Variants in CTNNA2 observed in about 807,000 individuals in gnomAD.
CTNNA2 encodes catenin alpha-2.
In CTNNA2, 42 loss-of-function variants were observed where a neutral mutation model predicts 101.0. The ratio of observed to expected loss-of-function variants is 0.42; its 90% confidence interval spans 0.32 to 0.54. CTNNA2 has a LOEUF of 0.54. Ranked by LOEUF, CTNNA2 falls within the 20% of genes least tolerant of loss-of-function variation. The pLI is 0.14. For synonymous variants in CTNNA2, 450 were observed against 456.4 expected, an observed-to-expected ratio of 0.99 and a Z score of 0.18; for missense variants, 871 against 1,223.1, an observed-to-expected ratio of 0.71 and a Z score of 4.29.
chr2:79,959,632 C>T (rs1293054790), intron 7 of CTNNA2, among the ~76,000 whole-genome samples: 1 of 152,172 alleles, frequency 6.6e-6, no homozygotes, highest in African/African-American at 2.4e-5. Context: ...AGCTACCTTG[C>T]TAATAGTGTC....
At chr2:79,484,549 T>C (rs77314331) in intron 4 of CTNNA2, among the ~76,000 whole-genome samples, 1 of 152,126 alleles carries the variant, frequency 6.6e-6, no homozygotes, top group African/African-American at 2.4e-5. Flanking sequence ...TTCAACATGG[T>C]TGGTCTTTCT....
At chr2:80,527,067 G>A (rs762845657) in intron 9 of CTNNA2, among the ~76,000 whole-genome samples, 15 of 152,194 alleles carry the variant, frequency 9.9e-5, no homozygotes, top group African/African-American at 2.9e-4. Context: ...GAGTGCTCAG[G>A]AGAATGTGCT....
In CTNNA2 at chr2:79,486,782, T is replaced by C. The variant is rs142821319; in HGVS notation, c.-134-18272T>C. Among the ~76,000 whole-genome samples the C allele has an allele frequency of 9.9e-4, 151 of 152,336 alleles. 4 individuals carry two copies. In the East Asian group the frequency reaches 0.024, roughly 24 times the overall value. On this transcript the variant is annotated intron_variant, in intron 4 of 21. Transcript: ENST00000466387. ...GATCGCCATTCTAACTGGTGTGAGA[T>C]GGTATCTCATTGTGGTTTTGATTTG...
chr2:79,965,341 T>G (rs895642182), intron 7 of CTNNA2, among the ~76,000 whole-genome samples: 1 of 152,210 alleles, frequency 6.6e-6, no homozygotes, highest in African/African-American at 2.4e-5. Flanking sequence ...ATGGAATATG[T>G]GGGTCAGAAT....
chr2:79,709,460 T>C (rs189573209), intron 2 of CTNNA2, among the ~76,000 whole-genome samples: 2 of 152,174 alleles, frequency 1.3e-5, no homozygotes, highest in Admixed American at 6.5e-5. Context: ...CTGTCAGTAA[T>C]ATGGGGATGA....
At chr2:79,648,064 T>A (rs1680947798) in intron 1 of CTNNA2, among the ~76,000 whole-genome samples, 1 of 152,204 alleles carries the variant, frequency 6.6e-6, no homozygotes. Context: ...TCTCTTCTCA[T>A]GGAGGTGAGG....
intron 7 of CTNNA2, among the ~76,000 whole-genome samples, chr2:80,221,742 T>C (rs1708587217): frequency 6.6e-6 from 1 of 152,204 alleles, no homozygotes; most frequent in African/African-American, 2.4e-5. Flanking sequence ...TCTTATAAAC[T>C]GCCTGAGCAA....
rs78118774 is a variant in CTNNA2 at position 79,855,529 on chromosome 2, C to A, written c.299-2484C>A. ...ATGATGTTGGTTCATTCCGAATGTT[C>A]AATCTCAACTTGAAAATATATTGGA... On this transcript the variant is annotated intron_variant, in intron 3 of 18. Transcript: ENST00000402739. Among the ~76,000 whole-genome samples the A allele has an allele frequency of 3.9e-3, 600 of 152,310 alleles. 7 individuals are homozygous for A. The highest frequency in any genetic ancestry group is 0.033 in the East Asian group (172 of 5,170).
At chr2:80,542,150 A>C (rs1193525901) in intron 9 of CTNNA2, among the ~76,000 whole-genome samples, 1 of 131,874 alleles carries the variant, frequency 7.6e-6, no homozygotes, top group Non-Finnish European at 1.5e-5. Flanking sequence ...GCTTTAAAAT[A>C]ATAATAACTC....
intron 1 of CTNNA2, chr2:79,575,622 T>A (rs1675746972): frequency 6.6e-6 from 1 of 152,302 alleles, no homozygotes; most frequent in South Asian, 2.1e-4. Context: ...CTGCTTGATG[T>A]AGGCCTGTCT....
intron 18 of CTNNA2, among the ~76,000 whole-genome samples, chr2:80,625,992 T>G (rs577343705): frequency 1.3e-5 from 2 of 152,080 alleles, no homozygotes; most frequent in African/African-American, 4.8e-5. Context: ...CCCAAAAAGC[T>G]GAATGAATCA....
intron 1 of CTNNA2, among the ~76,000 whole-genome samples, chr2:79,568,146 C>T (rs1442522167): frequency 6.6e-6 from 1 of 152,028 alleles, no homozygotes; most frequent in Admixed American, 6.6e-5. Flanking sequence ...GTATCTATTC[C>T]CCAAGCAGTA....
chr2:79,277,788 C>A (rs183826038), intron 2 of CTNNA2, among the ~76,000 whole-genome samples: 2 of 152,086 alleles, frequency 1.3e-5, no homozygotes, highest in Admixed American at 1.3e-4. Flanking sequence ...ATCATCATTA[C>A]GTTAAGCTAC....
rs1671202648 is a variant in CTNNA2, at chr2:79,490,979, C to A, written c.-134-14075C>A. 2.6e-5 allele frequency among the ~76,000 whole-genome samples: 4 copies of A among 152,128 alleles called. No homozygotes were observed. In the South Asian group the frequency reaches 8.3e-4, roughly 32 times the overall value. Reference sequence around the variant, plus strand: ...GTTATATGCATTGTCATGGCACATACAGTTTCTGTGAAACTGTAATTATTA... The same window carrying A: ...GTTATATGCATTGTCATGGCACATAAAGTTTCTGTGAAACTGTAATTATTA... On this transcript the variant is annotated intron_variant, in intron 4 of 21. Coordinates refer to the CTNNA2 transcript ENST00000466387.
intron 1 of CTNNA2, among the ~76,000 whole-genome samples, chr2:79,537,410 T>C (rs1371152321): frequency 1.3e-5 from 2 of 152,148 alleles, no homozygotes; most frequent in Non-Finnish European, 2.9e-5. Flanking sequence ...TTGCATCACA[T>C]TTAGTTCTTT....
intron 4 of CTNNA2, among the ~76,000 whole-genome samples, chr2:79,435,286 G>A (rs1405199707): frequency 6.6e-6 from 1 of 152,148 alleles, no homozygotes; most frequent in Non-Finnish European, 1.5e-5. Context: ...TGGTGTTAAG[G>A]AAGTGTTGTC....
intron 2 of CTNNA2, among the ~76,000 whole-genome samples, chr2:79,259,786 A>G (rs1239249398): frequency 6.6e-6 from 1 of 152,158 alleles, no homozygotes. Context: ...AAGGAACATG[A>G]AGAATGCACA....
chr2:79,551,916 T>C (rs768561949), intron 1 of CTNNA2, among the ~76,000 whole-genome samples: 12 of 152,132 alleles, frequency 7.9e-5, no homozygotes, highest in Non-Finnish European at 1.2e-4. Context: ...TCCTCCAACA[T>C]TGGTGATTAT....
intron 4 of CTNNA2, among the ~76,000 whole-genome samples, chr2:79,482,157 C>A (rs1189035328): frequency 6.6e-6 from 1 of 152,032 alleles, no homozygotes; most frequent in African/African-American, 2.4e-5. Context: ...TTTCAGTTGA[C>A]GGTTCATAAC....
Sources: allele counts gnomAD v4.1 joint callset (sites outside exome capture counted in the v4.1 genomes callset), GRCh38; gene constraint gnomAD v4.1.1; transcripts MANE v1.5; gene names NCBI Gene and HGNC (gene_info 2026-07-23, HGNC 2026-07-21).